CATSPERD: variants seen among roughly 807,000 people sequenced by gnomAD.
The protein encoded by CATSPERD is cation channel sperm-associated auxiliary subunit delta.
Under a neutral mutation model 98.1 loss-of-function variants are expected in CATSPERD, and 86 were observed. The ratio of observed to expected loss-of-function variants is 0.88; its 90% CI spans 0.74 to 1.05. The LOEUF (loss-of-function observed/expected upper bound fraction) is 1.05. Ranked by LOEUF, CATSPERD falls within the 50% of genes least tolerant of loss-of-function variation. The pLI is 0.00. For missense variants in CATSPERD, 995 were observed against 1,005.7 expected (o/e 0.99, Z 0.14); for synonymous variants, 394 against 390.2 (o/e 1.01, Z -0.12).
At chr19:5,754,454 A>G (rs563059921) in intron 13 of CATSPERD, among the ~76,000 whole-genome samples, 1 of 130,138 alleles carries the variant, frequency 7.7e-6, no homozygotes, top group African/African-American at 2.8e-5. Flanking sequence ...GCTGGAGTGC[A>G]GTGGCGTGAT....
At chr19:5,762,420 C>T (rs1020727078) in intron 15 of CATSPERD, among the ~76,000 whole-genome samples, 19 of 151,978 alleles carry the variant, frequency 1.3e-4, no homozygotes, top group African/African-American at 4.1e-4. Context: ...CACAAGAACA[C>T]CAAGGGGGAA....
chr19:5,731,147 G>A (rs986460855), intron 4 of CATSPERD, among the ~76,000 whole-genome samples: 1 of 151,002 alleles, frequency 6.6e-6, no homozygotes, highest in African/African-American at 2.4e-5. Context: ...CACACCCTTA[G>A]TGAATATTTG....
At chr19:5,730,750 C>T (rs963430116) in intron 4 of CATSPERD, among the ~76,000 whole-genome samples, 3 of 151,568 alleles carry the variant, frequency 2.0e-5, no homozygotes, top group African/African-American at 2.4e-5. Flanking sequence ...CGGTGGCTCA[C>T]GCCTGTAATC....
At chr19:5,751,050 TA>T (rs1409750812) in intron 11 of CATSPERD, among the ~76,000 whole-genome samples, 2 of 149,166 alleles carry the variant, frequency 1.3e-5, no homozygotes, top group Non-Finnish European at 3.0e-5. Context: ...TCGTCTCTAC[TA>T]AAAATACAAA....
At chr19:5,773,533 T>C (rs2056688145) in intron 20 of CATSPERD, among the ~76,000 whole-genome samples, 1 of 152,090 alleles carries the variant, frequency 6.6e-6, no homozygotes, top group Non-Finnish European at 1.5e-5. Context: ...GTTTTATTTT[T>C]ATTTCTTTTA....
At chr19:5,735,477 A>ATTT (rs533041006) in intron 5 of CATSPERD, among the ~76,000 whole-genome samples, 1 of 140,452 alleles carries the variant, frequency 7.1e-6, no homozygotes, top group Non-Finnish European at 1.5e-5. Flanking sequence ...CGCCCAGCTA[A>ATTT]TTTTTTTTTT....
intron 4 of CATSPERD, among the ~76,000 whole-genome samples, chr19:5,732,330 C>A: frequency 6.6e-6 from 1 of 151,846 alleles, no homozygotes; most frequent in East Asian, 1.9e-4. Context: ...CTCAGGGCAC[C>A]CAAGACCAGC....
intron 4 of CATSPERD, among the ~76,000 whole-genome samples, chr19:5,730,950 G>A (rs867405015): frequency 3.3e-5 from 5 of 151,808 alleles, no homozygotes; most frequent in Non-Finnish European, 5.9e-5. Context: ...GCAGTGAGCC[G>A]AGATCGCGCC....
At position 5,770,965 on chromosome 19, in the gene CATSPERD, C is replaced by T. The variant is rs773152908; in HGVS notation, c.1656C>T (p.Phe552=). Residue 552 remains phenylalanine (F), a synonymous_variant, in exon 19 of 22, where the codon TTC becomes TTT. Transcript: ENST00000381624. ...GAAGGGAATTCTACGACCCCGGCTT[C>T]CAGGGGCAGCAGTCCTCCGAGGACC... The part of the protein sequence containing the change: ...IIEKEFYDPG[F]QGQQSSEDLH... The T allele has an allele frequency of 1.2e-6, 2 of 1,611,426 alleles. No homozygotes were observed. The highest frequency in any genetic ancestry group is 1.7e-5 in the Admixed American group (1 of 59,184).
chr19:5,745,448 G>A (rs368362587), intron 8 of CATSPERD, among the ~76,000 whole-genome samples: 4 of 151,986 alleles, frequency 2.6e-5, no homozygotes, highest in East Asian at 3.9e-4. Flanking sequence ...GTGAAACCCC[G>A]TCTCTGCTAA....
Position 5,762,058 on chromosome 19 carries a change from A to ATATATATATATTTT in CATSPERD, c.1428-1156_1428-1155insATATATATATTTTT. Among the ~76,000 whole-genome samples the ATATATATATATTTT allele has an allele frequency of 9.3e-3, 97 of 10,434 alleles. 5 individuals carry two copies. The highest frequency in any genetic ancestry group is 0.011 in the African/African-American group (35 of 3,048). The allele number at this position is 10,434 out of a possible 152,430, so 6.8% of individuals were successfully genotyped here. On this transcript the variant is annotated intron_variant, in intron 15 of 21. Transcript: ENST00000381624. ...TGGCCTGCCATATATATATATATAT[A>ATATATATATATTTT]TTTTTTTTTTTTTTTTTTTTTTTGA... is the stretch of plus-strand genomic sequence containing the variant.
chr19:5,756,969 G>C (rs1453448993), intron 13 of CATSPERD, among the ~76,000 whole-genome samples: 1 of 149,818 alleles, frequency 6.7e-6, no homozygotes, highest in Non-Finnish European at 1.5e-5. Context: ...AAATAAATAG[G>C]CCAGGTGCGG....
intron 13 of CATSPERD, 131 bp downstream of exon 13, chr19:5,754,376 A>T: frequency 1.8e-6 from 1 of 550,402 alleles, no homozygotes; most frequent in Non-Finnish European, 3.3e-6. Flanking sequence ...AATTCTGCAT[A>T]GAAATTGTCT....
At position 5,772,984 on chromosome 19, in the gene CATSPERD, C is replaced by T. The variant is rs765266100; in HGVS notation, c.1941+19C>T. Reference sequence around the variant, plus strand: ...CAGAGAGGTAACAGGACCCTAGGATCGTTTCCAGAAGAATCAGCAGCCCAC... The same window carrying T: ...CAGAGAGGTAACAGGACCCTAGGATTGTTTCCAGAAGAATCAGCAGCCCAC... On this transcript the variant is annotated intron_variant, in intron 20 of 21. Coordinates refer to ENST00000381624, the MANE Select transcript of CATSPERD (RefSeq NM_152784.4). 5.6e-6 allele frequency: 9 copies of T among 1,609,102 alleles called. 1 individual carries two copies. In the Admixed American group the frequency reaches 6.8e-5, roughly 12 times the overall value.
intron 13 of CATSPERD, 45 bp downstream of exon 13, chr19:5,754,290 A>G: frequency 7.2e-7 from 1 of 1,384,918 alleles, no homozygotes; most frequent in Non-Finnish European, 1.0e-6. Context: ...TCTCAGCCAC[A>G]TGCCTGGTGC....
chr19:5,732,693 T>G (rs1366306050), intron 4 of CATSPERD, among the ~76,000 whole-genome samples: 2 of 151,960 alleles, frequency 1.3e-5, no homozygotes, highest in Non-Finnish European at 2.9e-5. Flanking sequence ...TTGTTTTTGG[T>G]TTTTGAGACC....
In CATSPERD at chr19:5,778,456, T is replaced by C. The variant is rs1413127595; in HGVS notation, c.2177T>C (p.Ile726Thr). 1.2e-6 allele frequency: 2 copies of C among 1,613,868 alleles called. No individual in the cohort carries two copies. The highest frequency in any genetic ancestry group is 2.7e-5 in the African/African-American group (2 of 74,904). ...CAGCTGGTCTCTGCTGGAGTCGTCATCCTACTGATCATCTCCAGCATCCTG... is the reference window on the plus strand; with the variant it reads ...CAGCTGGTCTCTGCTGGAGTCGTCACCCTACTGATCATCTCCAGCATCCTG... ...PVQLVSAGVVILLIISSILGS... is the reference protein window; with the variant it reads ...PVQLVSAGVVTLLIISSILGS... The change falls in exon 22 of 22, where the codon ATC becomes ACC. Residue 726 changes from isoleucine to threonine, a missense_variant. Coordinates refer to ENST00000381624, the MANE Select transcript of CATSPERD (RefSeq NM_152784.4).
At chr19:5,773,032 G>A in intron 20 of CATSPERD, 67 bp downstream of exon 20, 5 of 1,503,628 alleles carry the variant, frequency 3.3e-6, no homozygotes, top group Non-Finnish European at 4.5e-6. Context: ...GAGTGCGTGA[G>A]GACACCGTGC....
intron 7 of CATSPERD, among the ~76,000 whole-genome samples, chr19:5,742,195 C>T (rs575316151): frequency 1.5e-4 from 20 of 136,796 alleles, no homozygotes; most frequent in South Asian, 7.0e-4. Context: ...AACGTGTGTG[C>T]GTGTACATGT....
Sources: allele counts gnomAD v4.1 joint callset (sites outside exome capture counted in the v4.1 genomes callset), GRCh38; gene constraint gnomAD v4.1.1; transcripts MANE v1.5; gene names NCBI Gene and HGNC (gene_info 2026-07-23, HGNC 2026-07-21).